The following NELL1 variants were observed in gnomAD, a reference collection of about 807,000 sequenced individuals.
NELL1 encodes neural EGFL like 1.
Under a neutral mutation model 107.4 loss-of-function variants are expected in NELL1, and 76 were observed. The ratio of observed to expected loss-of-function variants is 0.71; its 90% confidence interval spans 0.59 to 0.86. The LOEUF is 0.86. Ranked by LOEUF, NELL1 falls within the 40% of genes least tolerant of loss-of-function variation. The probability of loss-of-function intolerance (pLI) is 0.00; values close to 1 mark genes in which losing one functional copy is unlikely to be tolerated. For missense variants in NELL1, 1,024 were observed against 1,005.5 expected (o/e 1.02, Z -0.25); for synonymous variants, 353 against 341.2 (o/e 1.03, Z -0.38).
intron 2 of NELL1, among the ~76,000 whole-genome samples, chr11:20,754,172 G>A (rs769798834): frequency 6.6e-6 from 1 of 152,102 alleles, no homozygotes; most frequent in African/African-American, 2.4e-5. Flanking sequence ...TACATGACAA[G>A]CAGGAAAAAT....
At chr11:21,352,491 T>A (rs1332172571) in intron 14 of NELL1, among the ~76,000 whole-genome samples, 3 of 152,158 alleles carry the variant, frequency 2.0e-5, no homozygotes, top group Non-Finnish European at 4.4e-5. Context: ...GATGAGAATT[T>A]CTGGGTCCAT....
chr11:21,499,682 C>T lies in NELL1; in HGVS notation c.1646-34692C>T, dbSNP rs1414993625. ...TACTATAAAGATAAGAATTCTTCTGCCCTTAGGGAGAGAGGATTTAATCCA... is the reference window on the plus strand; with the variant it reads ...TACTATAAAGATAAGAATTCTTCTGTCCTTAGGGAGAGAGGATTTAATCCA... On this transcript the variant is annotated intron_variant, in intron 15 of 19. Transcript: ENST00000357134. 3.3e-5 allele frequency among the ~76,000 whole-genome samples: 5 copies of T among 152,020 alleles called. No homozygotes were observed. In the South Asian group the frequency reaches 1.0e-3, roughly 31 times the overall value.
chr11:20,725,926 A>G (rs1467018064), intron 2 of NELL1, among the ~76,000 whole-genome samples: 4 of 152,154 alleles, frequency 2.6e-5, no homozygotes, highest in Admixed American at 6.5e-5. Context: ...AGTAGTCCTC[A>G]GTGTCTATTG....
At chr11:21,342,642 T>TAAAAAAA in intron 14 of NELL1, among the ~76,000 whole-genome samples, 1 of 120,772 alleles carries the variant, frequency 8.3e-6, no homozygotes, top group Non-Finnish European at 1.7e-5. Flanking sequence ...AGACTGTCTT[T>TAAAAAAA]AAAAAAAAAA....
chr11:21,391,446 TA>T (rs1851876929), intron 15 of NELL1, among the ~76,000 whole-genome samples: 1 of 151,838 alleles, frequency 6.6e-6, no homozygotes. Flanking sequence ...CTCTGTTCTT[TA>T]TTTTTGGAAC....
chr11:21,370,119 G>A lies in NELL1; in HGVS notation c.1550-734G>A, dbSNP rs114260820. Among the ~76,000 whole-genome samples, 1,078 of 152,132 alleles carry A rather than the reference G, an allele frequency of 7.1e-3. 9 individuals are homozygous for A. Among genetic ancestry groups the A allele is most frequent in the African/African-American group, 0.025 (1,032 of 41,544 alleles). On this transcript the variant is annotated intron_variant, in intron 14 of 19. Transcript: ENST00000357134. ...CATGGAGCTATTTTATGCTATGCAA[G>A]TATGTACTAACGGGAACTAACCTGG...
chr11:21,444,905 T>C (rs1048438990), intron 15 of NELL1, among the ~76,000 whole-genome samples: 8 of 152,188 alleles, frequency 5.3e-5, no homozygotes, highest in African/African-American at 1.9e-4. Context: ...TGTGTTTTAA[T>C]TTATTGCTTT....
intron 15 of NELL1, among the ~76,000 whole-genome samples, chr11:21,417,726 C>A (rs1852552446): frequency 6.6e-6 from 1 of 152,012 alleles, no homozygotes. Flanking sequence ...ATTACCTGAG[C>A]CTATTCTAAC....
intron 15 of NELL1, among the ~76,000 whole-genome samples, chr11:21,448,669 T>C (rs1180889943): frequency 5.9e-5 from 9 of 152,222 alleles, no homozygotes; most frequent in Non-Finnish European, 1.5e-5. Context: ...ATCACGATGA[T>C]GAAAATATCA....
At chr11:21,193,852 C>T (rs531465219) in intron 13 of NELL1, among the ~76,000 whole-genome samples, 2 of 151,936 alleles carry the variant, frequency 1.3e-5, no homozygotes, top group East Asian at 3.9e-4. Context: ...GTTTGTCTCA[C>T]TTTGATGGAG....
intron 15 of NELL1, among the ~76,000 whole-genome samples, chr11:21,373,105 T>G (rs1392644776): frequency 6.6e-6 from 1 of 152,050 alleles, no homozygotes; most frequent in Non-Finnish European, 1.5e-5. Flanking sequence ...AAAACAAGAT[T>G]TCTCTGCATT....
intron 3 of NELL1, among the ~76,000 whole-genome samples, chr11:20,809,024 T>G (rs1857444187): frequency 6.6e-6 from 1 of 152,024 alleles, no homozygotes; most frequent in African/African-American, 2.4e-5. Context: ...AGCTATTAAA[T>G]TTGGTGTTAC....
intron 12 of NELL1, among the ~76,000 whole-genome samples, chr11:21,096,025 AG>A (rs554479890): frequency 3.1e-4 from 47 of 152,160 alleles, no homozygotes; most frequent in Non-Finnish European, 5.9e-4. Flanking sequence ...AGCAAGGGAA[AG>A]TCTTGCCCCC....
chr11:21,227,193 G>A (rs1313392091), intron 13 of NELL1, among the ~76,000 whole-genome samples: 1 of 152,044 alleles, frequency 6.6e-6, no homozygotes, highest in African/African-American at 2.4e-5. Context: ...CCATTAGAAG[G>A]AATTTCTTCC....
rs574606148 is a variant in NELL1, at chr11:20,755,865, GTTTTTTTTTTTTTTTTTTTTTTTTT to G, written c.185-27796_185-27772del. On this transcript the variant is annotated intron_variant, in intron 2 of 19. Transcript: ENST00000357134. ...GCCACCACGCCCAGCCAGACCTGCG[GTTTTTTTTTTTTTTTTTTTTTTTTT>G]TTTTTTTTTTTTTTTTTTATGAGAC... Among the ~76,000 whole-genome samples the G allele has an allele frequency of 1.8e-3, 221 of 122,076 alleles. 1 individual carries two copies. Among genetic ancestry groups the G allele is most frequent in the Admixed American group, 2.9e-3 (35 of 12,038 alleles). 80.1% of individuals were successfully genotyped at this position (122,076 alleles called of 152,430 possible). A position where few individuals can be genotyped will look rare whatever the true frequency, so the allele number is the denominator to read the frequency against.
At chr11:21,228,709 C>CTCTCCT (rs1857959477) in intron 13 of NELL1, among the ~76,000 whole-genome samples, 1 of 3,048 alleles carries the variant, frequency 3.3e-4, no homozygotes, top group Non-Finnish European at 1.2e-3. Context: ...CTTCCCTCCC[C>CTCTCCT]TCCCACCCCT....
intron 12 of NELL1, among the ~76,000 whole-genome samples, chr11:20,983,713 G>A (rs1395000299): frequency 1.3e-5 from 2 of 152,132 alleles, no homozygotes; most frequent in Non-Finnish European, 2.9e-5. Context: ...TCTCAACGTT[G>A]GTGGTGGCCT....
At chr11:21,401,065 C>T (rs1852086401) in intron 15 of NELL1, among the ~76,000 whole-genome samples, 1 of 151,906 alleles carries the variant, frequency 6.6e-6, no homozygotes, top group South Asian at 2.1e-4. Context: ...AGAAGCACCC[C>T]ATTTAGGCTC....
In NELL1 at chr11:21,181,528, G is replaced by A. The variant is rs763349063; in HGVS notation, c.1427-47804G>A. 5.5e-4 allele frequency among the ~76,000 whole-genome samples: 84 copies of A among 151,992 alleles called. 2 individuals carry two copies. Among genetic ancestry groups the A allele is most frequent in the Non-Finnish European group, 1.6e-4 (11 of 68,022 alleles). Reference sequence around the variant, plus strand: ...ATTGGAATCCCATTTCAACTGCAAAGCTCCTCTTTTCCTTACATCACTATT... The same window carrying A: ...ATTGGAATCCCATTTCAACTGCAAAACTCCTCTTTTCCTTACATCACTATT... On this transcript the variant is annotated intron_variant, in intron 13 of 19. Transcript: ENST00000357134.
Sources: allele counts gnomAD v4.1 joint callset (sites outside exome capture counted in the v4.1 genomes callset), GRCh38; gene constraint gnomAD v4.1.1; transcripts MANE v1.5; gene names NCBI Gene and HGNC (gene_info 2026-07-23, HGNC 2026-07-21).